The following MIF4GD variants were observed in gnomAD, a reference collection of about 807,000 sequenced individuals.
MIF4GD encodes the protein MIF4G domain containing.
In MIF4GD, 22 loss-of-function variants were observed where a neutral mutation model predicts 26.7. The ratio of observed to expected loss-of-function variants is 0.82; its 90% CI spans 0.59 to 1.18. The LOEUF (loss-of-function observed/expected upper bound fraction) is 1.18, where lower values mean the gene tolerates loss of function less well. MIF4GD is among the 50% of genes most tolerant of loss of function. The pLI, the probability that MIF4GD is intolerant of heterozygous loss-of-function variation, is 0.00. For synonymous variants in MIF4GD, 137 were observed against 111.6 expected, an observed-to-expected ratio of 1.23 and a Z score of -1.43; for missense variants, 262 against 279.6, an observed-to-expected ratio of 0.94 and a Z score of 0.45.
chr17:75,269,737 CTTTCTTTTTT>C (rs1420463245), intron 2 of MIF4GD, among the ~76,000 whole-genome samples: 3 of 103,718 alleles, frequency 2.9e-5, no homozygotes, highest in Admixed American at 1.2e-4. Context: ...TTTTTCTTTT[CTTTCTTTTTT>C]TTTTTTTTTT....
Position 75,270,244 on chromosome 17 carries a change from A to G in MIF4GD, c.-49T>C, listed in dbSNP as rs1290460965. 2.0e-6 allele frequency: 3 copies of G among 1,517,896 alleles called. No individual in the cohort carries two copies. Among genetic ancestry groups the G allele is most frequent in the Non-Finnish European group, 2.7e-6 (3 of 1,093,074 alleles). 94.0% of individuals were successfully genotyped at this position (1,517,896 alleles called of 1,614,324 possible). On this transcript the variant is annotated splice_region_variant and 5_prime_UTR_variant, in exon 2 of 6. Coordinates refer to ENST00000325102, the MANE Select transcript of MIF4GD (RefSeq NM_001370592.1). This position sits in a 1 kb window ranked among gnomAD's most constrained non-coding sequence, Gnocchi z 5.7. The stretch of plus-strand genomic sequence containing the variant: ...TGACTGGGCTGGGAATAAGGACAGC[A>G]CCTGAGGAGAAGAGGCGAAGGGAGC...
rs1325778726 is a variant in MIF4GD at position 75,266,344 on chromosome 17, T to C, written c.*396A>G. On this transcript the variant is annotated 3_prime_UTR_variant, in exon 6 of 6. Coordinates refer to ENST00000325102, the MANE Select transcript of MIF4GD (RefSeq NM_001370592.1). ...AGGCTTGTTTCCAGAGTTGTCCTTA[T>C]ACAAAATGTATAAAAAGCAGTTTCT... 3 of 362,254 alleles carry C rather than the reference T, an allele frequency of 8.3e-6. No homozygotes were observed. Among genetic ancestry groups the C allele is most frequent in the Admixed American group, 4.3e-5 (1 of 23,514 alleles). The allele number at this position is 362,254 out of a possible 1,614,324, so 22.4% of individuals were successfully genotyped here.
chr17:75,268,926 C>G (rs2077608260), intron 2 of MIF4GD, among the ~76,000 whole-genome samples: 1 of 151,946 alleles, frequency 6.6e-6, no homozygotes, highest in Non-Finnish European at 1.5e-5. Context: ...ATTGCTTGAA[C>G]CTGGGAGGCG....
At chr17:75,268,543 T>C (rs1392441029) in intron 2 of MIF4GD, among the ~76,000 whole-genome samples, 1 of 150,916 alleles carries the variant, frequency 6.6e-6, no homozygotes, top group Non-Finnish European at 1.5e-5. Flanking sequence ...TCGTGCGTCA[T>C]CTCATGTCAT....
At chr17:75,267,187 A>AAACCACTTCTTCG (rs1444466195) in intron 5 of MIF4GD, among the ~76,000 whole-genome samples, 1 of 152,052 alleles carries the variant, frequency 6.6e-6, no homozygotes, top group East Asian at 1.9e-4. Flanking sequence ...GCCTGTCTCC[A>AAACCACTTCTTCG]AACCACTTCT....
rs780556531 is a variant in MIF4GD at position 75,267,582 on chromosome 17, G to A, written c.397C>T (p.Leu133Phe). 1 of 1,614,224 alleles carries A rather than the reference G, an allele frequency of 6.2e-7. No individual in the cohort carries two copies. The highest frequency in any genetic ancestry group is 1.3e-5 in the African/African-American group (1 of 75,068). Residue 133 changes from leucine to phenylalanine, a missense_variant, in exon 5 of 6, where the codon CTC becomes TTC. Leu to Phe is a conservative substitution (Grantham distance 22, BLOSUM62 0). Transcript: ENST00000325102. ...CTGTCTGGCTGGGCCAGCCGGAAGA[G>A]GCAGTCATAGACAGGGTTCACCAGG... Reference protein sequence around the residue: ...MALVNPVYDCLFRLAQPDSLS... With the variant: ...MALVNPVYDCFFRLAQPDSLS...
chr17:75,268,171 T>C lies in MIF4GD; in HGVS notation c.104A>G (p.Glu35Gly). 1 of 1,614,206 alleles carries C rather than the reference T, an allele frequency of 6.2e-7. No individual in the cohort carries two copies. The highest frequency in any genetic ancestry group is 8.5e-7 in the Non-Finnish European group (1 of 1,180,016). ...GTCCACAATCACATTGGCCACTTTC[T>C]CCAAGTCCACAGCACCCGGATCTAG... is the stretch of plus-strand genomic sequence containing the variant. ...ALKDPGAVDL[E>G]KVANVIVDHS... Residue 35 changes from glutamate to glycine, a missense_variant, in exon 3 of 6, where the codon GAG becomes GGG. By Grantham distance (98) the Glu-to-Gly change is moderately conservative (BLOSUM62 -2). Transcript: ENST00000325102.
rs748330736 is a variant in MIF4GD at position 75,266,923 on chromosome 17, C to T, written c.486G>A (p.Leu162=). The stretch of plus-strand genomic sequence containing the variant: ...CCATGCGCTGCCCATTCATTTTCTC[C>T]AGCTGCTCCCCAACCCGGTGCAGCT... ...VLQLHRVGEQ[L]EKMNGQRMDE... The change falls in exon 6 of 6, where the codon CTG becomes CTA. Residue 162 remains leucine (L), a synonymous_variant. Transcript: ENST00000325102. The T allele has an allele frequency of 5.0e-6, 8 of 1,614,054 alleles. No individual in the cohort carries two copies. Among genetic ancestry groups the T allele is most frequent in the African/African-American group, 1.3e-5 (1 of 74,936 alleles).
At chr17:75,269,659 A>G (rs1598163004) in intron 2 of MIF4GD, among the ~76,000 whole-genome samples, 3 of 144,068 alleles carry the variant, frequency 2.1e-5, no homozygotes, top group Non-Finnish European at 3.0e-5. Context: ...TCCCAGGCTC[A>G]ATCAATCCTC....
rs900346296 is a variant in MIF4GD, at chr17:75,270,924, T to C, written c.-51+220A>G. ...GAGACTCCTAATTCCTGAGCTCCAT[T>C]CTGGAGCCTTCCTCTTACTGGGGGG... On this transcript the variant is annotated intron_variant, in intron 1 of 5. Coordinates refer to ENST00000325102, the MANE Select transcript of MIF4GD (RefSeq NM_001370592.1). The surrounding 1 kb of genome is among the most constrained non-coding windows in gnomAD (Gnocchi z 5.7). 2 of 152,334 alleles carry C rather than the reference T, an allele frequency of 1.3e-5. No individual in the cohort carries two copies. The highest frequency in any genetic ancestry group is 3.9e-4 in the East Asian group (2 of 5,158). The allele number at this position is 152,334 out of a possible 1,614,324, so 9.4% of individuals were successfully genotyped here. A position where few individuals can be genotyped will look rare whatever the true frequency, so the allele number is the denominator to read the frequency against.
intron 2 of MIF4GD, 62 bp from the exon 3 acceptor site, chr17:75,268,254 C>T (rs1369610899): frequency 1.1e-5 from 14 of 1,286,944 alleles, no homozygotes; most frequent in Non-Finnish European, 1.5e-5. Flanking sequence ...TGTCCACCCG[C>T]TTCTAAGAAT....
In MIF4GD at chr17:75,266,268, G is replaced by C. The variant is rs2077482477; in HGVS notation, c.*472C>G. The C allele has an allele frequency of 2.6e-6, 1 of 381,728 alleles. No individual in the cohort carries two copies. The highest frequency in any genetic ancestry group is 4.9e-6 in the Non-Finnish European group (1 of 205,478). The allele number at this position is 381,728 out of a possible 1,614,324, so 23.6% of individuals were successfully genotyped here. On this transcript the variant is annotated 3_prime_UTR_variant, in exon 6 of 6. Transcript: ENST00000325102. Reference sequence around the variant, plus strand: ...AGATTTATTAGAAAATTCTCACGCTGAACTGGTGTAGCATGTGGTGCAGCA... The same window carrying C: ...AGATTTATTAGAAAATTCTCACGCTCAACTGGTGTAGCATGTGGTGCAGCA...
intron 4 of MIF4GD, 31 bp downstream of exon 4, chr17:75,267,715 C>T: frequency 6.2e-7 from 1 of 1,612,038 alleles, no homozygotes; most frequent in South Asian, 1.1e-5. Flanking sequence ...CAGGCCATGT[C>T]TGCCTCCCAG....
intron 3 of MIF4GD, 83 bp downstream of exon 3, chr17:75,268,000 T>C: frequency 1.9e-6 from 3 of 1,605,560 alleles, no homozygotes; most frequent in Non-Finnish European, 2.6e-6. Flanking sequence ...ACCCTGTGCA[T>C]CTCTGTCCTG....
At chr17:75,267,948 G>A in intron 3 of MIF4GD, 47 bp from the exon 4 acceptor site, 1 of 1,600,986 alleles carries the variant, frequency 6.2e-7, no homozygotes, top group Non-Finnish European at 8.5e-7. Context: ...CGGTGCCCCT[G>A]TAACCCCACC....
chr17:75,270,277 G>T lies in MIF4GD; in HGVS notation c.-50-32C>A. On this transcript the variant is annotated intron_variant, in intron 1 of 5. Transcript: ENST00000325102. This position sits in a 1 kb window ranked among gnomAD's most constrained non-coding sequence, Gnocchi z 5.7. ...AGAAGAGGCGAAGGGAGCGGCCTCAGGTGTGGAGCGCAGGGCGGGTTCCGT... is the reference window on the plus strand; with the variant it reads ...AGAAGAGGCGAAGGGAGCGGCCTCATGTGTGGAGCGCAGGGCGGGTTCCGT... 7.8e-7 allele frequency: 1 copy of T among 1,275,302 alleles called. No homozygotes were observed. The highest frequency in any genetic ancestry group is 1.1e-6 in the Non-Finnish European group (1 of 877,500). The allele number at this position is 1,275,302 out of a possible 1,614,324, so 79.0% of individuals were successfully genotyped here.
chr17:75,267,700 G>C (rs750605315), intron 4 of MIF4GD, 46 bp downstream of exon 4: 5 of 1,612,384 alleles, frequency 3.1e-6, no homozygotes, highest in Admixed American at 1.7e-5. Context: ...CTGGGCCTCA[G>C]GAAACAGGCC....
intron 2 of MIF4GD, among the ~76,000 whole-genome samples, 169 bp from the exon 3 acceptor site, chr17:75,268,361 A>G (rs1217728631): frequency 6.6e-6 from 1 of 152,190 alleles, no homozygotes; most frequent in East Asian, 1.9e-4. Flanking sequence ...TGGTTAGCGC[A>G]TGGTACTTAT....
At chr17:75,269,549 T>C (rs1248426805) in intron 2 of MIF4GD, 1 of 7,938 alleles carries the variant, frequency 1.3e-4, no homozygotes, top group Non-Finnish European at 1.6e-4. Context: ...ATGGTTAAAC[T>C]TTTTTTTTTT....
Sources: gnomAD v4.1 joint callset for allele counts (sites outside exome capture counted in the v4.1 genomes callset) on GRCh38, gnomAD v4.1.1 for gene constraint, Gnocchi (gnomAD v3.1) non-coding constraint, MANE v1.5 for transcripts, NCBI Gene and HGNC (gene_info 2026-07-23, HGNC 2026-07-21) for gene names.